The following CSMD1 variants were observed in gnomAD, a reference collection of about 807,000 sequenced individuals.
The protein encoded by CSMD1 is CUB and sushi domain-containing protein 1.
CSMD1 carries 213 observed loss-of-function variants against 417.5 expected under a neutral mutation model. That is an observed-to-expected ratio of 0.51 (90% confidence interval 0.46 to 0.57). The LOEUF is 0.57. Ranked by LOEUF, CSMD1 falls within the 20% of genes least tolerant of loss-of-function variation. The probability of loss-of-function intolerance (pLI) is 0.00; values close to 1 mark genes in which losing one functional copy is unlikely to be tolerated. For missense variants in CSMD1, 6,923 were observed against 4,529.7 expected, an observed-to-expected ratio of 1.53 and a Z score of -15.17; for synonymous variants, 2,862 against 1,736.8, an observed-to-expected ratio of 1.65 and a Z score of -16.11.
chr8:4,365,601 C>G (rs1802024277), intron 3 of CSMD1, among the ~76,000 whole-genome samples: 1 of 152,152 alleles, frequency 6.6e-6, no homozygotes, highest in Non-Finnish European at 1.5e-5. Flanking sequence ...TGGTTTCTGT[C>G]TTTGTACTTG....
At chr8:3,151,641 A>G in intron 39 of CSMD1, 128 bp from the exon 40 acceptor site, 3 of 632,036 alleles carry the variant, frequency 4.7e-6, no homozygotes, top group Non-Finnish European at 8.5e-6. Flanking sequence ...CCCTAATTAC[A>G]GCACACGATA....
At chr8:2,970,393 G>A (rs1441311457) in intron 57 of CSMD1, among the ~76,000 whole-genome samples, 1 of 152,180 alleles carries the variant, frequency 6.6e-6, no homozygotes, top group Non-Finnish European at 1.5e-5. Context: ...CTTTCTGGGA[G>A]TGTCAGAGTC....
rs1316782197 is a variant in CSMD1, at chr8:3,574,985, G to A, written c.1304C>T (p.Ala435Val). ...GGTGGTGATGACCCACACACAGTGT[G>A]CATTATCTTCATACTGAACCGGATA... ...PNYPVQYEDNAHCVWVITTTD... is the reference protein window; with the variant it reads ...PNYPVQYEDNVHCVWVITTTD... Residue 435 changes from alanine (A) to valine (V), a missense_variant, in exon 10 of 70, where the codon GCA (alanine) becomes GTA (valine). By Grantham distance (64) the Ala-to-Val change is moderately conservative (BLOSUM62 0). Coordinates refer to ENST00000635120, the MANE Select transcript of CSMD1 (RefSeq NM_033225.6). The A allele has an allele frequency of 1.9e-6, 3 of 1,613,132 alleles. No individual in the cohort carries two copies. Among genetic ancestry groups the A allele is most frequent in the South Asian group, 2.2e-5 (2 of 91,030 alleles).
chr8:4,757,669 C>T (rs142983380), intron 1 of CSMD1, among the ~76,000 whole-genome samples: 10 of 152,076 alleles, frequency 6.6e-5, no homozygotes, highest in East Asian at 3.9e-4. Context: ...GTGTAAAAAG[C>T]GACATTATGC....
At chr8:3,998,198 C>A (rs183413366) in intron 4 of CSMD1, 88 bp from the exon 5 acceptor site, 41 of 1,202,602 alleles carry the variant, frequency 3.4e-5, no homozygotes, top group Non-Finnish European at 4.5e-5. Context: ...TCTTGATCAG[C>A]GACAAATATT....
intron 40 of CSMD1, among the ~76,000 whole-genome samples, chr8:3,145,247 G>C (rs77404849): frequency 0.045 from 6,798 of 152,240 alleles, 427 homozygotes; most frequent in African/African-American, 0.14. Context: ...CGTATGTCCA[G>C]AGTACCAGAC....
chr8:3,876,008 T>A (rs901480122), intron 5 of CSMD1, among the ~76,000 whole-genome samples: 1 of 152,212 alleles, frequency 6.6e-6, no homozygotes, highest in Non-Finnish European at 1.5e-5. Context: ...TTCCTACAGT[T>A]CTATTTCCAG....
rs1160601906 is a variant in CSMD1 at position 3,284,129 on chromosome 8, C to T, written c.4153+15G>A. 3.9e-6 allele frequency: 6 copies of T among 1,548,418 alleles called. No individual in the cohort carries two copies. The highest frequency in any genetic ancestry group is 1.4e-5 in the African/African-American group (1 of 73,132). On this transcript the variant is annotated intron_variant, in intron 26 of 69. Transcript: ENST00000635120. ...TTGATATCAAGGTAAAGAAGAAGCA[C>T]GCTGTGCCACCTACTGGAGAACTGG...
Position 4,774,789 on chromosome 8 carries a change from C to T in CSMD1, c.86-137231G>A, listed in dbSNP as rs912478875. 1.2e-4 allele frequency among the ~76,000 whole-genome samples: 19 copies of T among 152,220 alleles called. No individual in the cohort carries two copies. In the East Asian group the frequency reaches 3.7e-3, roughly 29 times the overall value. On this transcript the variant is annotated intron_variant, in intron 1 of 69. Coordinates refer to ENST00000635120, the MANE Select transcript of CSMD1 (RefSeq NM_033225.6). ...CTTGTTGTTTAAAAGCCTGTAGCAC[C>T]TCCCCGCCAACCCCCACTCGCTCTT...
At chr8:4,627,017 G>T (rs1049044784) in intron 2 of CSMD1, among the ~76,000 whole-genome samples, 1 of 152,132 alleles carries the variant, frequency 6.6e-6, no homozygotes, top group Non-Finnish European at 1.5e-5. Context: ...CATACTCTAA[G>T]TAATATTATA....
chr8:3,814,827 A>G (rs754170317), intron 5 of CSMD1, among the ~76,000 whole-genome samples: 3 of 152,202 alleles, frequency 2.0e-5, no homozygotes, highest in Non-Finnish European at 2.9e-5. Flanking sequence ...CAACTCCAGT[A>G]CCATGAAGAA....
chr8:3,997,084 T>G (rs1425137381), intron 5 of CSMD1, among the ~76,000 whole-genome samples: 1 of 152,208 alleles, frequency 6.6e-6, no homozygotes, highest in African/African-American at 2.4e-5. Context: ...TGTTTAGTCA[T>G]ATTTCAAGAT....
At chr8:3,913,262 A>G (rs751800269) in intron 5 of CSMD1, among the ~76,000 whole-genome samples, 2 of 152,156 alleles carry the variant, frequency 1.3e-5, no homozygotes, top group African/African-American at 4.8e-5. Context: ...GAGAATGACA[A>G]TGGAAGCCAT....
intron 23 of CSMD1, among the ~76,000 whole-genome samples, chr8:3,318,031 G>T (rs919049869): frequency 6.6e-6 from 1 of 152,134 alleles, no homozygotes. Context: ...AAAACCCTGG[G>T]TTCAAGTGAT....
At chr8:4,257,674 C>T (rs1357383587) in intron 3 of CSMD1, among the ~76,000 whole-genome samples, 1 of 152,164 alleles carries the variant, frequency 6.6e-6, no homozygotes, top group African/African-American at 2.4e-5. Flanking sequence ...TCTCAGGGTG[C>T]AGCAGTCTTA....
chr8:4,898,127 C>T (rs1254703911), intron 1 of CSMD1, among the ~76,000 whole-genome samples: 1 of 151,798 alleles, frequency 6.6e-6, no homozygotes, highest in Non-Finnish European at 1.5e-5. Flanking sequence ...TAAATATTGC[C>T]CATATATATG....
chr8:3,108,129 T>C (rs887827563), intron 44 of CSMD1, among the ~76,000 whole-genome samples: 2 of 152,230 alleles, frequency 1.3e-5, no homozygotes, highest in African/African-American at 4.8e-5. Context: ...GCAGATTTGA[T>C]AACGTCTGCC....
chr8:4,910,490 A>G, intron 1 of CSMD1, among the ~76,000 whole-genome samples: 1 of 152,196 alleles, frequency 6.6e-6, no homozygotes, highest in African/African-American at 2.4e-5. Flanking sequence ...CCTGGTTTCT[A>G]GAAGGCACCT....
chr8:4,063,833 G>A (rs1039569528), intron 3 of CSMD1, among the ~76,000 whole-genome samples: 1 of 152,208 alleles, frequency 6.6e-6, no homozygotes, highest in East Asian at 1.9e-4. Context: ...GTGGTAAGAA[G>A]GAACCAGGAG....
Sources: allele counts gnomAD v4.1 joint callset (sites outside exome capture counted in the v4.1 genomes callset), GRCh38; gene constraint gnomAD v4.1.1; transcripts MANE v1.5; gene names NCBI Gene and HGNC (gene_info 2026-07-23, HGNC 2026-07-21).